WDR75: variants seen among roughly 807,000 people sequenced by gnomAD.
WDR75 encodes WD repeat-containing protein 75.
Under a neutral mutation model 106.1 loss-of-function variants are expected in WDR75, and 52 were observed. The observed-to-expected ratio is 0.49, with a 90% CI of 0.39 to 0.62. The LOEUF (loss-of-function observed/expected upper bound fraction) is 0.62, where lower values mean the gene tolerates loss of function less well. Ranked by LOEUF, WDR75 falls within the 20% of genes least tolerant of loss-of-function variation. The pLI is 0.00. For missense variants in WDR75, 905 were observed against 970.3 expected (o/e 0.93, Z 0.89); for synonymous variants, 333 against 335.5 (o/e 0.99, Z 0.08).
chr2:189,454,927 A>C lies in WDR75; in HGVS notation c.374-393A>C, dbSNP rs547536707. Among the ~76,000 whole-genome samples, 43 of 152,302 alleles carry C rather than the reference A, an allele frequency of 2.8e-4. 1 individual carries two copies. The South Asian group carries it at 8.3e-3, about 29-fold the overall frequency. Reference sequence around the variant, plus strand: ...TAGCCTAGAATTATTATCTTGCATCAAATAAATTCTAGAGTACTGATTAGC... The same window carrying C: ...TAGCCTAGAATTATTATCTTGCATCCAATAAATTCTAGAGTACTGATTAGC... On this transcript the variant is annotated intron_variant, in intron 4 of 20. Coordinates refer to ENST00000314761, the MANE Select transcript of WDR75 (RefSeq NM_032168.3).
rs1424270161 is a variant in WDR75 at position 189,457,392 on chromosome 2, T to G, written c.569+11T>G. On this transcript the variant is annotated intron_variant, in intron 6 of 20. Coordinates refer to ENST00000314761, the MANE Select transcript of WDR75 (RefSeq NM_032168.3). Reference sequence around the variant, plus strand: ...GAAAACAACATCAAGGTAAGAATTATTTTTTATTAGCTTTATTTTATTTGC... The same window carrying G: ...GAAAACAACATCAAGGTAAGAATTAGTTTTTATTAGCTTTATTTTATTTGC... 1 of 1,514,904 alleles carries G rather than the reference T, an allele frequency of 6.6e-7. No individual in the cohort carries two copies. The highest frequency in any genetic ancestry group is 9.1e-7 in the Non-Finnish European group (1 of 1,095,538). 93.8% of individuals were successfully genotyped at this position (1,514,904 alleles called of 1,614,324 possible). A position where few individuals can be genotyped will look rare whatever the true frequency, so the allele number is the denominator to read the frequency against.
chr2:189,452,657 C>T (rs781125443), intron 4 of WDR75, among the ~76,000 whole-genome samples: 3 of 152,062 alleles, frequency 2.0e-5, no homozygotes, highest in Non-Finnish European at 4.4e-5. Flanking sequence ...ATTGAAACTG[C>T]TGTGCATCAG....
At chr2:189,453,771 C>CA (rs1686674444) in intron 4 of WDR75, among the ~76,000 whole-genome samples, 1 of 152,048 alleles carries the variant, frequency 6.6e-6, no homozygotes, top group Admixed American at 6.6e-5. Context: ...CTCTCATACT[C>CA]AAATACAAAA....
At chr2:189,452,894 T>C (rs959318985) in intron 4 of WDR75, among the ~76,000 whole-genome samples, 2 of 152,200 alleles carry the variant, frequency 1.3e-5, no homozygotes, top group Non-Finnish European at 2.9e-5. Context: ...GCATGATGGC[T>C]GACAACTGTA....
chr2:189,470,044 A>G (rs773961008), intron 16 of WDR75, 32 bp from the exon 17 acceptor site: 2 of 1,598,960 alleles, frequency 1.3e-6, no homozygotes, highest in Non-Finnish European at 1.7e-6. Context: ...TTTCAGGCAA[A>G]ATGTTATTGT....
intron 5 of WDR75, among the ~76,000 whole-genome samples, chr2:189,456,265 T>A (rs1369397527): frequency 2.0e-5 from 3 of 152,092 alleles, no homozygotes; most frequent in African/African-American, 4.8e-5. Flanking sequence ...AGAGCAAAGT[T>A]AAATACATTT....
intron 4 of WDR75, 79 bp downstream of exon 4, chr2:189,451,974 G>A (rs1409874541): frequency 8.2e-7 from 1 of 1,212,876 alleles, no homozygotes; most frequent in African/African-American, 1.5e-5. Flanking sequence ...TAACATTTTG[G>A]TTTTAATCTG....
At chr2:189,448,299 G>A in intron 1 of WDR75, 80 bp from the exon 2 acceptor site, 4 of 1,432,028 alleles carry the variant, frequency 2.8e-6, no homozygotes, top group Non-Finnish European at 3.7e-6. Context: ...CTGAAACAAT[G>A]ATGAAAAATG....
In WDR75 at chr2:189,448,866, T is replaced by C. The variant is rs1174615419; in HGVS notation, c.216+358T>C. ...AGTTTTTGGTGTTTCTCAAACTTAC[T>C]TGACTTGTGAACCATTTGGTGTCTG... is the stretch of plus-strand genomic sequence containing the variant. On this transcript the variant is annotated intron_variant, in intron 2 of 20. Coordinates refer to ENST00000314761, the MANE Select transcript of WDR75 (RefSeq NM_032168.3). 8.4e-6 allele frequency: 4 copies of C among 474,242 alleles called. 1 individual carries two copies. Among genetic ancestry groups the C allele is most frequent in the South Asian group, 6.2e-5 (4 of 64,580 alleles). 29.4% of individuals were successfully genotyped at this position (474,242 alleles called of 1,614,324 possible).
chr2:189,471,315 A>G (rs1028386040), intron 18 of WDR75, among the ~76,000 whole-genome samples: 2 of 152,102 alleles, frequency 1.3e-5, no homozygotes, highest in Admixed American at 6.5e-5. Context: ...GCTGTTTTTC[A>G]CATCAGCACT....
rs1275378679 is a variant in WDR75 at position 189,458,979 on chromosome 2, T to C, written c.689+107T>C. On this transcript the variant is annotated intron_variant, in intron 7 of 20. Transcript: ENST00000314761. Reference sequence around the variant, plus strand: ...CCAAGAAACAGCCTCCCTTTCCTTTTTTGTGTGCTTTTCATTTCATACTTA... The same window carrying C: ...CCAAGAAACAGCCTCCCTTTCCTTTCTTGTGTGCTTTTCATTTCATACTTA... 7 of 1,289,136 alleles carry C rather than the reference T, an allele frequency of 5.4e-6. No individual in the cohort carries two copies. In the Admixed American group the frequency reaches 2.0e-4, roughly 37 times the overall value. 79.9% of individuals were successfully genotyped at this position (1,289,136 alleles called of 1,614,324 possible).
At chr2:189,442,502 G>A (rs1410924109) in intron 1 of WDR75, among the ~76,000 whole-genome samples, 3 of 141,722 alleles carry the variant, frequency 2.1e-5, no homozygotes, top group Non-Finnish European at 3.0e-5. Context: ...CCAGGCTGGA[G>A]TGCAGTGGCT....
chr2:189,464,027 A>G (rs1686952156), intron 11 of WDR75, 66 bp downstream of exon 11: 1 of 1,326,198 alleles, frequency 7.5e-7, no homozygotes, highest in Non-Finnish European at 1.1e-6. Flanking sequence ...GAGTCAAGCA[A>G]TTTGTTTAGT....
chr2:189,475,489 T>C lies in WDR75; in HGVS notation c.*72T>C, dbSNP rs1687196026. On this transcript the variant is annotated 3_prime_UTR_variant, in exon 21 of 21. Coordinates refer to ENST00000314761, the MANE Select transcript of WDR75 (RefSeq NM_032168.3). ...TGTTGATATTCTAAAAACATCTATT[T>C]TAATGTTATTTCTGTTCTAAAAATA... The C allele has an allele frequency of 2.2e-6, 2 of 907,610 alleles. No individual in the cohort carries two copies. Among genetic ancestry groups the C allele is most frequent in the African/African-American group, 3.4e-5 (2 of 58,416 alleles). The allele number at this position is 907,610 out of a possible 1,614,324, so 56.2% of individuals were successfully genotyped here. A position where few individuals can be genotyped will look rare whatever the true frequency, so the allele number is the denominator to read the frequency against.
intron 1 of WDR75, 135 bp downstream of exon 1, chr2:189,441,713 G>C: frequency 2.0e-6 from 2 of 1,000,596 alleles, no homozygotes; most frequent in South Asian, 1.5e-5. Context: ...ACGCGCCTGT[G>C]GGGGATCCCC....
intron 2 of WDR75, chr2:189,448,884 GGT>G (rs1194598822): frequency 4.2e-6 from 2 of 472,180 alleles, no homozygotes; most frequent in African/African-American, 4.0e-5. Context: ...TGAACCATTT[GGT>G]GTCTGGAACA....
chr2:189,441,513 C>A lies in WDR75; in HGVS notation c.21C>A (p.Ile7=), dbSNP rs1558978533. 2 of 1,565,828 alleles carry A rather than the reference C, an allele frequency of 1.3e-6. No individual in the cohort carries two copies. The highest frequency in any genetic ancestry group is 1.7e-6 in the Non-Finnish European group (2 of 1,153,904). Residue 7 remains isoleucine (I), a synonymous_variant, in exon 1 of 21, where the codon ATC becomes ATA. Transcript: ENST00000314761. ...CAAAGATGGTGGAGGAGGAGAACAT[C>A]CGCGTGGTTCGTTGTGGCGGCAGCG... MVEEEN[I]RVVRCGGSEL... is the part of the protein sequence containing the mutation.
In WDR75 at chr2:189,465,225, AC is replaced by A. The variant is rs1159543046; in HGVS notation, c.1261del (p.Leu421CysfsTer55). On this transcript the variant is annotated frameshift_variant, in exon 12 of 21. Coordinates refer to ENST00000314761, the MANE Select transcript of WDR75 (RefSeq NM_032168.3). LOFTEE classifies it high-confidence loss of function. ...AAACTGAGCTTGAATTGCAAATGAA[AC>A]TGTGGATGTATAATAAGAAAACACA... The part of the protein sequence containing the change: ...KETELELQMK[L>X]WMYNKKTQGF... 6.2e-7 allele frequency: 1 copy of A among 1,612,842 alleles called. No individual in the cohort carries two copies. Among genetic ancestry groups the A allele is most frequent in the South Asian group, 1.1e-5 (1 of 90,980 alleles).
In WDR75 at chr2:189,474,732, G is replaced by T. The variant is rs766981887; in HGVS notation, c.2212G>T (p.Ala738Ser). The T allele has an allele frequency of 6.2e-7, 1 of 1,614,002 alleles. No individual in the cohort carries two copies. The highest frequency in any genetic ancestry group is 1.7e-5 in the Admixed American group (1 of 60,004). ...TTGACTCCAGCTTCTTCACACTCCA[G>T]CCCATGTCCTGCCATCTGCTGCTTT... ...PAISELLHTPAHVLPSAAFLC... is the reference protein window; with the variant it reads ...PAISELLHTPSHVLPSAAFLC... Residue 738 changes from alanine to serine, a missense_variant, in exon 20 of 21, where the codon GCC (alanine) becomes TCC (serine). By Grantham distance (99) the Ala-to-Ser change is moderately conservative (BLOSUM62 1). Transcript: ENST00000314761.
Sources: gnomAD v4.1 joint callset for allele counts (sites outside exome capture counted in the v4.1 genomes callset) on GRCh38, gnomAD v4.1.1 for gene constraint, MANE v1.5 for transcripts, NCBI Gene and HGNC (gene_info 2026-07-23, HGNC 2026-07-21) for gene names.